Variants in SAR1A observed in about 807,000 individuals in gnomAD.
The protein encoded by SAR1A is secretion associated Ras related GTPase 1A, also known as small COPII coat GTPase SAR1A.
Under a neutral mutation model 22.6 loss-of-function variants are expected in SAR1A, and 6 were observed. The ratio of observed to expected loss-of-function variants is 0.27; its 90% CI spans 0.15 to 0.52. The LOEUF is 0.52. SAR1A is among the 20% of genes least tolerant of loss of function. The pLI, the probability that SAR1A is intolerant of heterozygous loss-of-function variation, is 0.96. For missense variants in SAR1A, 145 were observed against 245.1 expected (o/e 0.59, Z 2.73); for synonymous variants, 70 against 82.2 (o/e 0.85, Z 0.80).
intron 4 of SAR1A, among the ~76,000 whole-genome samples, chr10:70,159,571 A>C (rs969621229): frequency 2.0e-5 from 3 of 152,136 alleles, no homozygotes; most frequent in African/African-American, 7.2e-5. Flanking sequence ...CAGGAAGTAG[A>C]GGTTGCAGTA....
At chr10:70,166,001 C>T (rs746484559) in intron 1 of SAR1A, among the ~76,000 whole-genome samples, 1 of 152,366 alleles carries the variant, frequency 6.6e-6, no homozygotes. Context: ...AGATCCCCAA[C>T]CAGCAAAGAG....
chr10:70,155,205 G>A lies in SAR1A; in HGVS notation c.349-1236C>T, dbSNP rs368581290. On this transcript the variant is annotated intron_variant, in intron 5 of 6. Coordinates refer to ENST00000373241, the MANE Select transcript of SAR1A (RefSeq NM_020150.5). ...GAATTCACAAATAGTATCTATCTGT[G>A]GTGTTCATGTAAGAGATCATGATCT... 3.9e-3 allele frequency: 1,812 copies of A among 460,950 alleles called. 47 individuals carry two copies. Among genetic ancestry groups the A allele is most frequent in the South Asian group, 0.027 (1,684 of 62,858 alleles). The allele number at this position is 460,950 out of a possible 1,614,324, so 28.6% of individuals were successfully genotyped here.
Position 70,161,724 on chromosome 10 carries a change from A to C in SAR1A, c.73T>G (p.Ser25Ala), listed in dbSNP as rs1236127701. ...VLQFLGLYKKSGKLVFLGLDN... is the reference protein window; with the variant it reads ...VLQFLGLYKKAGKLVFLGLDN... ...AAACCTAAGAATACAAGTTTTCCAGATTTCTTGTACAGTCCTAAAAGAGAA... is the reference window on the plus strand; with the variant it reads ...AAACCTAAGAATACAAGTTTTCCAGCTTTCTTGTACAGTCCTAAAAGAGAA... The change falls in exon 3 of 7, where the codon TCT (serine) becomes GCT (alanine). Residue 25 changes from serine to alanine, a missense_variant. Around this residue, in one of 3 missense-constraint regions of SAR1A, gnomAD observed 22 missense variants for 24.8 expected, o/e 0.89. Coordinates refer to ENST00000373241, the MANE Select transcript of SAR1A (RefSeq NM_020150.5). The C allele has an allele frequency of 3.1e-6, 5 of 1,613,892 alleles. No individual in the cohort carries two copies. In the South Asian group the frequency reaches 5.5e-5, roughly 18 times the overall value.
chr10:70,164,379 C>T (rs1424185659), intron 1 of SAR1A, among the ~76,000 whole-genome samples: 2 of 152,162 alleles, frequency 1.3e-5, no homozygotes, highest in Non-Finnish European at 2.9e-5. Context: ...CACATCTAAA[C>T]TTAGGTGGAG....
intron 4 of SAR1A, 52 bp downstream of exon 4, chr10:70,160,952 G>A (rs1839460417): frequency 1.5e-6 from 2 of 1,295,862 alleles, no homozygotes. Context: ...GGAGCTGGGA[G>A]GCACAAAAAA....
Position 70,149,547 on chromosome 10 carries a change from A to ATTTTTTTTTTTTTTTTTTTTT in SAR1A, c.*2908_*2928dup, listed in dbSNP as rs60858134. Reference sequence around the variant, plus strand: ...TTTTGCCAAATGTAGCATTTAATTGATTTTTTTTTTTTTTTTTTTTTTGAG... The same window carrying ATTTTTTTTTTTTTTTTTTTTT: ...TTTTGCCAAATGTAGCATTTAATTGATTTTTTTTTTTTTTTTTTTTTTTTTTTTTTTTTTTTTTTTTTTGAG... On this transcript the variant is annotated 3_prime_UTR_variant, in exon 7 of 7. Transcript: ENST00000373241. 33 of 68,036 alleles carry ATTTTTTTTTTTTTTTTTTTTT rather than the reference A, an allele frequency of 4.9e-4. 10 individuals are homozygous for ATTTTTTTTTTTTTTTTTTTTT. Among genetic ancestry groups the ATTTTTTTTTTTTTTTTTTTTT allele is most frequent in the African/African-American group, 1.1e-3 (17 of 15,130 alleles). 4.2% of individuals were successfully genotyped at this position (68,036 alleles called of 1,614,324 possible).
At chr10:70,170,383 TC>T (rs1195836032) in intron 1 of SAR1A, 29 bp downstream of exon 1, 2 of 106,136 alleles carry the variant, frequency 1.9e-5, no homozygotes, top group African/African-American at 7.7e-5. Flanking sequence ...GAGCCCCAAC[TC>T]CCCTCCCCGA....
intron 6 of SAR1A, among the ~76,000 whole-genome samples, chr10:70,153,278 A>G (rs549823526): frequency 2.0e-5 from 3 of 152,312 alleles, no homozygotes; most frequent in East Asian, 1.9e-4. Flanking sequence ...CCTCCTTCCA[A>G]TTGAAGACAG....
chr10:70,165,040 C>T (rs983163596), intron 1 of SAR1A, among the ~76,000 whole-genome samples: 7 of 151,992 alleles, frequency 4.6e-5, no homozygotes, highest in Non-Finnish European at 7.4e-5. Context: ...CCGAGGCGGG[C>T]GGATCACGAG....
intron 5 of SAR1A, among the ~76,000 whole-genome samples, chr10:70,155,751 C>T (rs10762340): frequency 0.78 from 118,840 of 152,012 alleles, 47,813 homozygotes; most frequent in Non-Finnish European, 0.88. Context: ...GCCGACAAAG[C>T]GAGGGGTTGA....
chr10:70,149,794 A>G lies in SAR1A; in HGVS notation c.*2682T>C, dbSNP rs1345105394. ...GGTCTCAAACTCCTGAGCTCAGACA[A>G]TCCACCCACCTCAGCCTCCCAAAGT... On this transcript the variant is annotated 3_prime_UTR_variant, in exon 7 of 7. Transcript: ENST00000373241. 1.3e-5 allele frequency: 2 copies of G among 151,992 alleles called. No individual in the cohort carries two copies. Among genetic ancestry groups the G allele is most frequent in the South Asian group, 2.1e-4 (1 of 4,824 alleles). The allele number at this position is 151,992 out of a possible 1,614,324, so 9.4% of individuals were successfully genotyped here.
At chr10:70,158,549 T>C (rs1401906358) in intron 4 of SAR1A, among the ~76,000 whole-genome samples, 1 of 152,200 alleles carries the variant, frequency 6.6e-6, no homozygotes, top group Admixed American at 6.5e-5. Context: ...GATTTAATTG[T>C]ACTATCATTT....
At chr10:70,161,225 G>C (rs1203051068) in intron 3 of SAR1A, 156 bp from the exon 4 acceptor site, 18 of 605,836 alleles carry the variant, frequency 3.0e-5, no homozygotes, top group Non-Finnish European at 4.8e-5. Context: ...CTACTCAGGA[G>C]GCTGAGGGCA....
chr10:70,158,519 G>A (rs1031283424), intron 4 of SAR1A, among the ~76,000 whole-genome samples: 5 of 152,104 alleles, frequency 3.3e-5, no homozygotes, highest in Admixed American at 6.5e-5. Context: ...GACATGAAAC[G>A]ATAAAGGCTG....
chr10:70,159,468 T>G (rs913580578), intron 4 of SAR1A, among the ~76,000 whole-genome samples: 7 of 152,030 alleles, frequency 4.6e-5, no homozygotes, highest in African/African-American at 1.7e-4. Context: ...CTGAGGCAGG[T>G]GGATCACCTG....
rs1402109257 is a variant in SAR1A, at chr10:70,152,114, T to G, written c.*362A>C. 1 of 271,032 alleles carries G rather than the reference T, an allele frequency of 3.7e-6. No individual in the cohort carries two copies. The highest frequency in any genetic ancestry group is 2.2e-5 in the African/African-American group (1 of 45,298). 16.8% of individuals were successfully genotyped at this position (271,032 alleles called of 1,614,324 possible). A position where few individuals can be genotyped will look rare whatever the true frequency, so the allele number is the denominator to read the frequency against. ...TCAAAAAGTTAGGAGGGATACCAAT[T>G]ACATTAACAACGCTTTCTTTAAAAA... On this transcript the variant is annotated 3_prime_UTR_variant, in exon 7 of 7. Coordinates refer to ENST00000373241, the MANE Select transcript of SAR1A (RefSeq NM_020150.5).
At chr10:70,157,675 G>C (rs1359501344) in intron 5 of SAR1A, 89 bp downstream of exon 5, 3 of 802,394 alleles carry the variant, frequency 3.7e-6, no homozygotes, top group Non-Finnish European at 6.0e-6. Context: ...CTAATTATTG[G>C]CACTACTGAG....
chr10:70,157,942 A>G, intron 4 of SAR1A, 75 bp from the exon 5 acceptor site: 3 of 1,003,880 alleles, frequency 3.0e-6, no homozygotes, highest in Non-Finnish European at 4.6e-6. Context: ...GGTCTATAAA[A>G]TGGACAAATC....
At chr10:70,164,231 AT>A (rs1303264936) in intron 1 of SAR1A, 5 of 571,378 alleles carry the variant, frequency 8.8e-6, no homozygotes, top group South Asian at 2.0e-5. Flanking sequence ...TCAAAAAAAA[AT>A]ATGCATGTAT....
Sources: allele counts gnomAD v4.1 joint callset (sites outside exome capture counted in the v4.1 genomes callset), GRCh38; gene constraint gnomAD v4.1.1; regional missense constraint gnomAD v4.1.1; transcripts MANE v1.5; gene names NCBI Gene and HGNC (gene_info 2026-07-23, HGNC 2026-07-21).